DDX59: variants seen among roughly 807,000 people sequenced by gnomAD.
DDX59 encodes the protein DEAD-box helicase 59.
Under a neutral mutation model 51.9 loss-of-function variants are expected in DDX59, and 30 were observed. The ratio of observed to expected loss-of-function variants is 0.58; its 90% CI spans 0.43 to 0.78. The LOEUF (loss-of-function observed/expected upper bound fraction) is 0.78, where lower values mean the gene tolerates loss of function less well. Among genes scored for constraint, DDX59 ranks in the 30% least tolerant of loss-of-function variants. DDX59 has a pLI of 0.00. For missense variants in DDX59, 672 were observed against 730.8 expected (o/e 0.92, Z 0.93); for synonymous variants, 255 against 253.3 (o/e 1.01, Z -0.06).
downstream of DDX59, chr1:200,643,965 T>A: frequency 3.6e-6 from 1 of 277,232 alleles, no homozygotes; most frequent in Non-Finnish European, 5.5e-6. Context: ...CGAGTCAGAG[T>A]CTTTGTGGAG....
chr1:200,650,567 A>G lies in DDX59; in HGVS notation c.1172T>C (p.Ile391Thr). 6.2e-7 allele frequency: 1 copy of G among 1,614,102 alleles called. No individual in the cohort carries two copies. The highest frequency in any genetic ancestry group is 8.5e-7 in the Non-Finnish European group (1 of 1,179,998). ...ILVSATIPTSIEQLASQLLHN... is the reference protein window; with the variant it reads ...ILVSATIPTSTEQLASQLLHN... ...CAGAAGCTGGCTTGCTAGCTGTTCT[A>G]TGCTAGTTGGAATTGTGGCTGAAAC... The change falls in exon 5 of 8, where the codon ATA becomes ACA. Residue 391 changes from isoleucine (I) to threonine (T), a missense_variant. Transcript: ENST00000331314.
At chr1:200,667,637 G>A (rs115294178) in intron 1 of DDX59, among the ~76,000 whole-genome samples, 2,596 of 152,116 alleles carry the variant, frequency 0.017, 77 homozygotes, top group African/African-American at 0.058. Flanking sequence ...TTCTATTATA[G>A]CATCAAAAAA....
chr1:200,658,917 GT>G (rs1323402368), intron 4 of DDX59, 109 bp downstream of exon 4: 135 of 935,428 alleles, frequency 1.4e-4, no homozygotes, highest in Admixed American at 2.0e-4. Flanking sequence ...AGTCCCTGAG[GT>G]TTTTTTTGAG....
rs555472916 is a variant in DDX59, at chr1:200,666,759, G to A, written c.-11-8C>T. Reference sequence around the variant, plus strand: ...CAAACATCCTTCAATATTCTGTTAAGGAAATTATATAATGAGATTTATTGT... The same window carrying A: ...CAAACATCCTTCAATATTCTGTTAAAGAAATTATATAATGAGATTTATTGT... On this transcript the variant is annotated splice_region_variant and splice_polypyrimidine_tract_variant and intron_variant, in intron 1 of 7. Transcript: ENST00000331314. The A allele has an allele frequency of 8.2e-6, 13 of 1,590,116 alleles. No homozygotes were observed. The East Asian group carries it at 1.1e-4, about 14-fold the overall frequency.
chr1:200,650,983 G>A (rs1661623215), intron 4 of DDX59, among the ~76,000 whole-genome samples: 1 of 152,050 alleles, frequency 6.6e-6, no homozygotes, highest in South Asian at 2.1e-4. Flanking sequence ...ACACTATGCT[G>A]TCAAGAAAAA....
intron 3 of DDX59, among the ~76,000 whole-genome samples, chr1:200,660,596 C>T (rs573462120): frequency 6.6e-6 from 1 of 152,226 alleles, no homozygotes; most frequent in Admixed American, 6.5e-5. Flanking sequence ...TAAACAAATA[C>T]ATAAATGAAA....
At chr1:200,653,135 T>G (rs1661775914) in intron 4 of DDX59, among the ~76,000 whole-genome samples, 1 of 151,422 alleles carries the variant, frequency 6.6e-6, no homozygotes, top group Admixed American at 6.6e-5. Flanking sequence ...GATCAACAAA[T>G]TCCACGGCTC....
At chr1:200,656,746 A>G (rs997996499) in intron 4 of DDX59, among the ~76,000 whole-genome samples, 13 of 152,190 alleles carry the variant, frequency 8.5e-5, no homozygotes, top group Non-Finnish European at 1.8e-4. Context: ...AGAAAATGAA[A>G]ATGCTGTAAA....
intron 2 of DDX59, among the ~76,000 whole-genome samples, chr1:200,664,746 G>T (rs978143660): frequency 1.3e-5 from 2 of 151,788 alleles, no homozygotes; most frequent in Non-Finnish European, 1.5e-5. Context: ...CACAATCTCG[G>T]CTCACCGCAA....
At chr1:200,658,790 T>C (rs1662194404) in intron 4 of DDX59, among the ~76,000 whole-genome samples, 1 of 152,098 alleles carries the variant, frequency 6.6e-6, no homozygotes, top group Non-Finnish European at 1.5e-5. Flanking sequence ...GAGAATAGAG[T>C]ACATATTGAA....
chr1:200,650,251 T>C (rs1661570845), intron 5 of DDX59, among the ~76,000 whole-genome samples, 174 bp downstream of exon 5: 1 of 152,190 alleles, frequency 6.6e-6, no homozygotes, highest in Non-Finnish European at 1.5e-5. Context: ...TCCAACATGT[T>C]TTCCCAAATA....
At chr1:200,663,609 C>T (rs991230512) in intron 3 of DDX59, among the ~76,000 whole-genome samples, 3 of 152,146 alleles carry the variant, frequency 2.0e-5, no homozygotes, top group Non-Finnish European at 2.9e-5. Flanking sequence ...GATTCAACTT[C>T]TCAACTATAA....
chr1:200,666,286 T>C lies in DDX59; in HGVS notation c.455A>G (p.Gln152Arg). 2.5e-6 allele frequency: 4 copies of C among 1,614,268 alleles called. No individual in the cohort carries two copies. Among genetic ancestry groups the C allele is most frequent in the Non-Finnish European group, 3.4e-6 (4 of 1,180,046 alleles). Residue 152 changes from glutamine to arginine, a missense_variant, in exon 2 of 8, where the codon CAG becomes CGG. Physicochemically the swap from Gln to Arg is conservative, Grantham distance 43. Coordinates refer to ENST00000331314, the MANE Select transcript of DDX59 (RefSeq NM_001031725.6). ...AGACTCTGGCTCAGAATCAGCCTTCTGTGGATTGCTGAGTTTTGATTTCTC... is the reference window on the plus strand; with the variant it reads ...AGACTCTGGCTCAGAATCAGCCTTCCGTGGATTGCTGAGTTTTGATTTCTC... Reference protein sequence around the residue: ...KEEKSKLSNPQKADSEPESPL... With the variant: ...KEEKSKLSNPRKADSEPESPL...
At chr1:200,660,215 ATCT>A (rs1434894065) in intron 3 of DDX59, among the ~76,000 whole-genome samples, 1 of 152,114 alleles carries the variant, frequency 6.6e-6, no homozygotes, top group African/African-American at 2.4e-5. Flanking sequence ...TTCTGGCACA[ATCT>A]TCTTTATCTG....
In DDX59 at chr1:200,659,395, G is replaced by A. The variant is rs1255409193; in HGVS notation, c.973-279C>T. 2.0e-5 allele frequency among the ~76,000 whole-genome samples: 3 copies of A among 152,208 alleles called. No homozygotes were observed. In the East Asian group the frequency reaches 5.8e-4, roughly 29 times the overall value. On this transcript the variant is annotated intron_variant, in intron 3 of 7. Transcript: ENST00000331314. ...CACACAGGTCAAACCTAAAGGATGA[G>A]TGGGCATGAGCAAGGTGAGGAGTGA...
intron 4 of DDX59, 63 bp downstream of exon 4, chr1:200,658,964 A>G (rs765265072): frequency 5.8e-5 from 79 of 1,359,164 alleles, no homozygotes; most frequent in Non-Finnish European, 7.6e-5. Flanking sequence ...ATGAAATTAT[A>G]TAACTATACT....
At chr1:200,667,415 G>C (rs1168474210) in intron 1 of DDX59, among the ~76,000 whole-genome samples, 1 of 152,160 alleles carries the variant, frequency 6.6e-6, no homozygotes, top group African/African-American at 2.4e-5. Context: ...TGCCTGAAAG[G>C]AATAGTGAGG....
intron 7 of DDX59, among the ~76,000 whole-genome samples, chr1:200,646,091 T>C (rs1235170637): frequency 6.6e-6 from 1 of 152,206 alleles, no homozygotes; most frequent in African/African-American, 2.4e-5. Context: ...TCCCAGCATT[T>C]TGAGAGGCTG....
At chr1:200,642,359 G>C (rs1661074417), downstream of DDX59, among the ~76,000 whole-genome samples, 1 of 152,136 alleles carries the variant, frequency 6.6e-6, no homozygotes, top group Non-Finnish European at 1.5e-5. Context: ...CTCTTATTCA[G>C]AGAGTAAGTC....
Sources: allele counts gnomAD v4.1 joint callset (sites outside exome capture counted in the v4.1 genomes callset), GRCh38; gene constraint gnomAD v4.1.1; transcripts MANE v1.5; gene names NCBI Gene and HGNC (gene_info 2026-07-23, HGNC 2026-07-21).